Variants in KMT2C observed in about 807,000 individuals in gnomAD.
KMT2C encodes lysine methyltransferase 2C, also known as histone-lysine N-methyltransferase 2C.
KMT2C carries 88 observed loss-of-function variants against 507.9 expected under a neutral mutation model. That is an observed-to-expected ratio of 0.17 (90% CI 0.15 to 0.21). KMT2C has a LOEUF of 0.21. KMT2C is among the 10% of genes least tolerant of loss of function. The pLI is 1.00. For missense variants in KMT2C, 4,954 were observed against 5,957.8 expected (o/e 0.83, Z 5.55); for synonymous variants, 2,049 against 2,080.8 (o/e 0.98, Z 0.42).
At chr7:152,415,530 C>T (rs1286775112) in intron 1 of KMT2C, among the ~76,000 whole-genome samples, 1 of 152,122 alleles carries the variant, frequency 6.6e-6, no homozygotes, top group African/African-American at 2.4e-5. Context: ...AATGCCCCCA[C>T]CCCAATAAAC....
chr7:152,290,294 A>ATTTTTT (rs869073980), intron 6 of KMT2C, among the ~76,000 whole-genome samples: 2 of 21,418 alleles, frequency 9.3e-5, no homozygotes, highest in Non-Finnish European at 1.5e-4. Flanking sequence ...ATATATATAT[A>ATTTTTT]TTTTTTTTTT....
chr7:152,387,340 G>GA (rs374448683), intron 1 of KMT2C, among the ~76,000 whole-genome samples: 1 of 149,848 alleles, frequency 6.7e-6, no homozygotes, highest in Non-Finnish European at 1.5e-5. Flanking sequence ...AGAATATAAT[G>GA]AAAAAACTTC....
intron 2 of KMT2C, among the ~76,000 whole-genome samples, chr7:152,342,445 A>G (rs1344167158): frequency 1.3e-5 from 2 of 152,218 alleles, no homozygotes; most frequent in Non-Finnish European, 2.9e-5. Context: ...GAAAAGGGAT[A>G]TAACTATAGT....
At chr7:152,174,329 T>C (rs1261502748) in intron 38 of KMT2C, 87 bp from the exon 39 acceptor site, 1 of 654,270 alleles carries the variant, frequency 1.5e-6, no homozygotes, top group Non-Finnish European at 2.6e-6. Context: ...AGCTCTTAAA[T>C]TTTATTATTT....
At chr7:152,418,472 C>A (rs1486580622) in intron 1 of KMT2C, among the ~76,000 whole-genome samples, 2 of 152,022 alleles carry the variant, frequency 1.3e-5, no homozygotes, top group Admixed American at 6.6e-5. Context: ...GCTCTGTCGC[C>A]CAGGCTGGAG....
chr7:152,286,742 C>T (rs2096304509), intron 6 of KMT2C, among the ~76,000 whole-genome samples: 1 of 151,982 alleles, frequency 6.6e-6, no homozygotes, highest in Non-Finnish European at 1.5e-5. Context: ...ATTAGGGCTT[C>T]AGGAGCCAAG....
chr7:152,145,122 GGCT>G, intron 54 of KMT2C, 28 bp downstream of exon 54: 1 of 1,609,728 alleles, frequency 6.2e-7, no homozygotes, highest in Non-Finnish European at 8.5e-7. Flanking sequence ...AGAAACCCTG[GGCT>G]GTACTATGTG....
chr7:152,180,140 A>C lies in KMT2C; in HGVS notation c.7150-14T>G. The C allele has an allele frequency of 6.2e-7, 1 of 1,613,710 alleles. No homozygotes were observed. Among genetic ancestry groups the C allele is most frequent in the Middle Eastern group, 1.6e-4 (1 of 6,062 alleles). On this transcript the variant is annotated splice_polypyrimidine_tract_variant and intron_variant, in intron 36 of 58. Transcript: ENST00000262189. The stretch of plus-strand genomic sequence containing the variant: ...TAACTTCTGCCGCTAAATGGGAAGA[A>C]ACAAAAATCACTGGGATTTGTGGTA...
intron 6 of KMT2C, among the ~76,000 whole-genome samples, chr7:152,288,554 ATT>A (rs1009463664): frequency 6.7e-6 from 1 of 150,156 alleles, no homozygotes; most frequent in African/African-American, 2.5e-5. Context: ...ATAAATAAAT[ATT>A]TTTTTTTTAA....
In KMT2C at chr7:152,435,741, G is replaced by C. The variant is rs751297115; in HGVS notation, c.46C>G (p.Pro16Ala). Residue 16 changes from proline (P) to alanine (A), a missense_variant, in exon 1 of 59, where the codon CCA becomes GCA. Physicochemically the swap from Pro to Ala is conservative, Grantham distance 27. Coordinates refer to ENST00000262189, the MANE Select transcript of KMT2C (RefSeq NM_170606.3). Reference protein sequence around the residue: ...DKSVEQPQPPPPPPEEPGAPA... With the variant: ...DKSVEQPQPPAPPPEEPGAPA... ...GCTCCAGGCTCCTCGGGGGGTGGTG[G>C]CGGCGGCTGCGGCTGCTCCACGCTC... 6.6e-7 allele frequency: 1 copy of C among 1,522,100 alleles called. No homozygotes were observed. Among genetic ancestry groups the C allele is most frequent in the African/African-American group, 1.4e-5 (1 of 69,722 alleles). 94.3% of individuals were successfully genotyped at this position (1,522,100 alleles called of 1,614,324 possible). A position where few individuals can be genotyped will look rare whatever the true frequency, so the allele number is the denominator to read the frequency against.
chr7:152,167,422 T>A (rs372815092), intron 41 of KMT2C, 44 bp from the exon 42 acceptor site: 88 of 1,293,620 alleles, frequency 6.8e-5, no homozygotes, highest in Admixed American at 1.1e-4. Context: ...TTCTAAAGAG[T>A]CCAACATTAT....
intron 1 of KMT2C, among the ~76,000 whole-genome samples, chr7:152,425,830 T>C (rs1000540436): frequency 5.3e-5 from 8 of 152,026 alleles, no homozygotes; most frequent in African/African-American, 1.9e-4. Context: ...CTGCTTCTAA[T>C]GTAAATCGAT....
intron 1 of KMT2C, among the ~76,000 whole-genome samples, chr7:152,395,532 C>T (rs1564106127): frequency 1.3e-5 from 2 of 151,394 alleles, no homozygotes; most frequent in African/African-American, 4.9e-5. Flanking sequence ...GTTTTTGAGA[C>T]AGTCTCCCTC....
At chr7:152,307,906 C>T (rs917261100) in intron 6 of KMT2C, among the ~76,000 whole-genome samples, 1 of 152,160 alleles carries the variant, frequency 6.6e-6, no homozygotes, top group Non-Finnish European at 1.5e-5. Context: ...CACCAAAAAG[C>T]TCATTTAGCC....
chr7:152,311,228 T>C (rs1258098949), intron 5 of KMT2C, among the ~76,000 whole-genome samples: 7 of 152,198 alleles, frequency 4.6e-5, no homozygotes, highest in Non-Finnish European at 7.3e-5. Flanking sequence ...CATACACCTC[T>C]ACTTCCCTCA....
chr7:152,167,934 T>C lies in KMT2C; in HGVS notation c.9518-556A>G, dbSNP rs949995054. 3.9e-5 allele frequency among the ~76,000 whole-genome samples: 6 copies of C among 152,230 alleles called. 1 individual carries two copies. Among genetic ancestry groups the C allele is most frequent in the African/African-American group, 7.2e-5 (3 of 41,474 alleles). On this transcript the variant is annotated intron_variant, in intron 41 of 58. Coordinates refer to ENST00000262189, the MANE Select transcript of KMT2C (RefSeq NM_170606.3). ...GGAATAATTTAAAGTCTATGACTTA[T>C]AAAGGAAATCCATAAGTTGAAAACA... is the stretch of plus-strand genomic sequence containing the variant.
rs775932119 is a variant in KMT2C at position 152,264,834 on chromosome 7, TTATAA to T, written c.1184+199_1184+203del. 1.9e-4 allele frequency among the ~76,000 whole-genome samples: 28 copies of T among 150,926 alleles called. 1 individual carries two copies. The South Asian group carries it at 2.5e-3, about 13-fold the overall frequency. ...CAAAATTATATAAATGTTATTTATA[TTATAA>T]TATAATAACAAATTATATTATGGAT... On this transcript the variant is annotated intron_variant, in intron 8 of 58. Coordinates refer to ENST00000262189, the MANE Select transcript of KMT2C (RefSeq NM_170606.3).
rs2129120124 is a variant in KMT2C, at chr7:152,181,618, G to A, written c.6242C>T (p.Pro2081Leu). ...CTGATTATGAGAAAAATTATCTATA[G>A]GTCTTGGTGTCAAAGCAGGCCTTTC... Reference protein sequence around the residue: ...PYERPALTPRPIDNFSHNQSN... With the variant: ...PYERPALTPRLIDNFSHNQSN... The change falls in exon 36 of 59, where the codon CCT becomes CTT. Residue 2081 changes from proline to leucine, a missense_variant. By Grantham distance (98) the Pro-to-Leu change is moderately conservative. Coordinates refer to ENST00000262189, the MANE Select transcript of KMT2C (RefSeq NM_170606.3). 4 of 1,614,098 alleles carry A rather than the reference G, an allele frequency of 2.5e-6. No homozygotes were observed. The highest frequency in any genetic ancestry group is 3.4e-6 in the Non-Finnish European group (4 of 1,180,008).
rs141282423 is a variant in KMT2C at position 152,212,292 on chromosome 7, C to T, written c.3713-4864G>A. ...TTTAAGACCTCTGTATTTCTTGTAT[C>T]ATGCACAGGTATTGCCTATTCAAAA... On this transcript the variant is annotated intron_variant, in intron 23 of 58. Transcript: ENST00000262189. 3.6e-3 allele frequency among the ~76,000 whole-genome samples: 553 copies of T among 152,262 alleles called. 1 individual carries two copies. The highest frequency in any genetic ancestry group is 5.4e-3 in the Non-Finnish European group (364 of 68,010).
Sources: gnomAD v4.1 joint callset for allele counts (sites outside exome capture counted in the v4.1 genomes callset) on GRCh38, gnomAD v4.1.1 for gene constraint, MANE v1.5 for transcripts, NCBI Gene and HGNC (gene_info 2026-07-23, HGNC 2026-07-21) for gene names.